The following ESCO1 variants were observed in gnomAD, a reference collection of about 807,000 sequenced individuals.
ESCO1 encodes N-acetyltransferase ESCO1.
Under a neutral mutation model 83.5 loss-of-function variants are expected in ESCO1, and 33 were observed. The ratio of observed to expected loss-of-function variants is 0.40; its 90% CI spans 0.30 to 0.53. ESCO1 has a LOEUF of 0.53. ESCO1 is among the 20% of genes least tolerant of loss of function. The probability of loss-of-function intolerance (pLI) is 0.63; values close to 1 mark genes in which losing one functional copy is unlikely to be tolerated. For synonymous variants in ESCO1, 332 were observed against 324.3 expected (o/e 1.02, Z -0.25); for missense variants, 855 against 968.0 (o/e 0.88, Z 1.55).
At chr18:21,595,820 C>A (rs1186164417) in intron 1 of ESCO1, among the ~76,000 whole-genome samples, 1 of 151,312 alleles carries the variant, frequency 6.6e-6, no homozygotes, top group Non-Finnish European at 1.5e-5. Context: ...AAAAATTAGC[C>A]GGGCATGGTG....
Position 21,530,193 on chromosome 18 carries a change from G to A in ESCO1, c.*150C>T, listed in dbSNP as rs1034064815. ...CAAAACAATAAGCTATTACTGCATT[G>A]TTTCCAATTTTATGAAAATGGAACA... On this transcript the variant is annotated 3_prime_UTR_variant, in exon 12 of 12. Transcript: ENST00000269214. 7 of 524,524 alleles carry A rather than the reference G, an allele frequency of 1.3e-5. No homozygotes were observed. Among genetic ancestry groups the A allele is most frequent in the Middle Eastern group, 1.1e-3 (2 of 1,790 alleles). The allele number at this position is 524,524 out of a possible 1,614,324, so 32.5% of individuals were successfully genotyped here.
intron 9 of ESCO1, among the ~76,000 whole-genome samples, chr18:21,539,430 T>C (rs1055402339): frequency 6.6e-6 from 1 of 152,218 alleles, no homozygotes; most frequent in African/African-American, 2.4e-5. Context: ...TTAGAATTCA[T>C]ATACTGGACA....
At chr18:21,570,281 T>A (rs540450616) in intron 4 of ESCO1, among the ~76,000 whole-genome samples, 1 of 152,224 alleles carries the variant, frequency 6.6e-6, no homozygotes, top group African/African-American at 2.4e-5. Context: ...AATTATTTTG[T>A]AGAGAGGGAG....
intron 8 of ESCO1, among the ~76,000 whole-genome samples, chr18:21,542,204 G>C (rs1568093474): frequency 6.6e-6 from 1 of 151,734 alleles, no homozygotes; most frequent in Non-Finnish European, 1.5e-5. Flanking sequence ...TTACTTATTT[G>C]AGACAGAGTC....
chr18:21,563,286 G>A (rs1171290408), intron 7 of ESCO1, among the ~76,000 whole-genome samples: 2 of 152,116 alleles, frequency 1.3e-5, no homozygotes, highest in Admixed American at 1.3e-4. Context: ...TATAAAACTA[G>A]AAGTATGAAA....
chr18:21,565,640 G>C (rs549832629), intron 6 of ESCO1, among the ~76,000 whole-genome samples: 6 of 152,172 alleles, frequency 3.9e-5, no homozygotes, highest in Non-Finnish European at 8.8e-5. Flanking sequence ...GCAGAATTTA[G>C]AAGAATAAGG....
At chr18:21,567,895 C>T (rs2038284563) in intron 5 of ESCO1, 85 bp downstream of exon 5, 1 of 937,548 alleles carries the variant, frequency 1.1e-6, no homozygotes, top group South Asian at 1.5e-5. Context: ...TTTAACAACC[C>T]TATTTGGTAT....
chr18:21,599,242 G>A (rs528344098), intron 1 of ESCO1, among the ~76,000 whole-genome samples: 1 of 152,314 alleles, frequency 6.6e-6, no homozygotes, highest in African/African-American at 2.4e-5. Context: ...GGAGGCGGAG[G>A]TGGGAGGATT....
chr18:21,584,987 C>T (rs1458345408), intron 1 of ESCO1, among the ~76,000 whole-genome samples: 1 of 151,830 alleles, frequency 6.6e-6, no homozygotes, highest in Non-Finnish European at 1.5e-5. Context: ...TAAAAAAATA[C>T]AAAAATTAGC....
At position 21,530,584 on chromosome 18, in the gene ESCO1, A is replaced by G. The variant is rs558117537; in HGVS notation, c.2376-94T>C. Reference sequence around the variant, plus strand: ...TTAAAACTGGAATAACCTGTCAAATACAATTTGACTAAAAAAGCTTTTTAG... The same window carrying G: ...TTAAAACTGGAATAACCTGTCAAATGCAATTTGACTAAAAAAGCTTTTTAG... On this transcript the variant is annotated intron_variant, in intron 11 of 11. Transcript: ENST00000269214. The G allele has an allele frequency of 2.4e-6, 3 of 1,249,538 alleles. No individual in the cohort carries two copies. In the South Asian group the frequency reaches 5.3e-5, roughly 22 times the overall value. 77.4% of individuals were successfully genotyped at this position (1,249,538 alleles called of 1,614,324 possible).
At position 21,560,970 on chromosome 18, in the gene ESCO1, A is replaced by C. The variant is rs1216483290; in HGVS notation, c.1842T>G (p.Phe614Leu). 3 of 1,593,638 alleles carry C rather than the reference A, an allele frequency of 1.9e-6. No individual in the cohort carries two copies. The highest frequency in any genetic ancestry group is 2.6e-6 in the Non-Finnish European group (3 of 1,172,994). Residue 614 changes from phenylalanine (F) to leucine (L), a missense_variant, in exon 8 of 12, where the codon TTT becomes TTG. Phe to Leu is a conservative substitution (Grantham distance 22). This residue lies in a region of ESCO1 where 726 missense variants were observed against 699.5 expected (regional missense o/e 1.04). Coordinates refer to ENST00000269214, the MANE Select transcript of ESCO1 (RefSeq NM_052911.3). The stretch of plus-strand genomic sequence containing the variant: ...CACAAACATTACAAGAAACTGCTCC[A>C]AATCTTTTTTGTCCTGCATCCTATT... ...QLIIDAGQKR[F>L]GAVSCNVCGM...
chr18:21,550,083 A>C (rs1244133767), intron 8 of ESCO1, among the ~76,000 whole-genome samples: 2 of 152,234 alleles, frequency 1.3e-5, no homozygotes, highest in African/African-American at 4.8e-5. Context: ...CAAAATGTCT[A>C]AATGAACTGA....
At chr18:21,579,042 A>G (rs1016976990) in intron 2 of ESCO1, among the ~76,000 whole-genome samples, 1 of 152,106 alleles carries the variant, frequency 6.6e-6, no homozygotes, top group African/African-American at 2.4e-5. Flanking sequence ...TTGTATTTTT[A>G]GTAGAGATCA....
At chr18:21,577,812 A>T (rs1266584564) in intron 2 of ESCO1, among the ~76,000 whole-genome samples, 1 of 152,116 alleles carries the variant, frequency 6.6e-6, no homozygotes, top group Non-Finnish European at 1.5e-5. Context: ...CATACTGACA[A>T]CAGAAGGAAT....
intron 1 of ESCO1, among the ~76,000 whole-genome samples, chr18:21,589,197 C>T (rs998943878): frequency 6.6e-5 from 10 of 151,666 alleles, no homozygotes; most frequent in Non-Finnish European, 1.3e-4. Flanking sequence ...CAAGATTGCA[C>T]CACTGCACTC....
chr18:21,544,229 G>A (rs898371923), intron 8 of ESCO1, among the ~76,000 whole-genome samples: 9 of 147,508 alleles, frequency 6.1e-5, no homozygotes, highest in African/African-American at 1.5e-4. Context: ...AGCCGAGATC[G>A]CGCCACTGCA....
intron 7 of ESCO1, among the ~76,000 whole-genome samples, chr18:21,561,940 G>A (rs543943635): frequency 6.6e-6 from 1 of 151,298 alleles, no homozygotes; most frequent in South Asian, 2.1e-4. Flanking sequence ...GTGCAGTGGC[G>A]CCATCTTGGC....
chr18:21,537,096 C>G (rs947460439), intron 9 of ESCO1, among the ~76,000 whole-genome samples: 4 of 152,172 alleles, frequency 2.6e-5, no homozygotes, highest in Admixed American at 1.3e-4. Flanking sequence ...GCAGCAGAGT[C>G]ACATGTGAAC....
intron 2 of ESCO1, among the ~76,000 whole-genome samples, chr18:21,583,862 C>A (rs970239896): frequency 6.6e-6 from 1 of 152,094 alleles, no homozygotes; most frequent in Non-Finnish European, 1.5e-5. Flanking sequence ...GTTTATTATA[C>A]ATAAATTATG....
Sources: allele counts gnomAD v4.1 joint callset (sites outside exome capture counted in the v4.1 genomes callset), GRCh38; gene constraint gnomAD v4.1.1; regional missense constraint gnomAD v4.1.1; transcripts MANE v1.5; gene names NCBI Gene and HGNC (gene_info 2026-07-23, HGNC 2026-07-21).